SYCP1: variants seen among roughly 807,000 people sequenced by gnomAD.
SYCP1 encodes cancer/testis antigen 8.
SYCP1 carries 64 observed loss-of-function variants against 153.1 expected under a neutral mutation model. The observed-to-expected ratio is 0.42, with a 90% CI of 0.34 to 0.51. SYCP1 has a LOEUF of 0.51. SYCP1 is among the 20% of genes least tolerant of loss of function. The pLI, the probability that SYCP1 is intolerant of heterozygous loss-of-function variation, is 0.06. For synonymous variants in SYCP1, 384 were observed against 341.8 expected (o/e 1.12, Z -1.36); for missense variants, 997 against 1,049.0 (o/e 0.95, Z 0.68).
chr1:114,940,212 C>G (rs1670297936), intron 23 of SYCP1, among the ~76,000 whole-genome samples: 2 of 152,094 alleles, frequency 1.3e-5, no homozygotes, highest in Admixed American at 1.3e-4. Flanking sequence ...ACTCTCATGC[C>G]TCAGCTTCCT....
chr1:114,901,957 T>A (rs1365980348), intron 16 of SYCP1, among the ~76,000 whole-genome samples: 1 of 152,156 alleles, frequency 6.6e-6, no homozygotes, highest in African/African-American at 2.4e-5. Flanking sequence ...CTTATGCAAG[T>A]TGTTCCTCCA....
rs71582509 is a variant in SYCP1, at chr1:114,857,136, C to CAAAAAAAAAAAAA, written c.194-87_194-75dup. The CAAAAAAAAAAAAA allele has an allele frequency of 1.4e-3, 343 of 245,062 alleles. 6 individuals are homozygous for CAAAAAAAAAAAAA. The highest frequency in any genetic ancestry group is 3.4e-3 in the Middle Eastern group (2 of 590). 15.2% of individuals were successfully genotyped at this position (245,062 alleles called of 1,614,324 possible). ...ATAGTGCCAGATGTCCTCTCTCTCT[C>CAAAAAAAAAAAAA]AAAAAAAAAAAAAAAAAAAAAGAGA... On this transcript the variant is annotated intron_variant, in intron 3 of 31. Transcript: ENST00000369522.
At chr1:114,947,834 A>G (rs1440951538) in intron 27 of SYCP1, among the ~76,000 whole-genome samples, 4 of 149,984 alleles carry the variant, frequency 2.7e-5, no homozygotes, top group Non-Finnish European at 4.4e-5. Context: ...AAAAAAAAAA[A>G]AAAAAAAAGA....
At chr1:114,900,226 T>A (rs1335493391) in intron 16 of SYCP1, among the ~76,000 whole-genome samples, 1 of 152,228 alleles carries the variant, frequency 6.6e-6, no homozygotes, top group Non-Finnish European at 1.5e-5. Context: ...TTATTTTATC[T>A]AATTTGAAAC....
intron 8 of SYCP1, among the ~76,000 whole-genome samples, chr1:114,865,081 A>C: frequency 6.6e-6 from 1 of 152,148 alleles, no homozygotes; most frequent in East Asian, 1.9e-4. Context: ...CTAGTTCTTT[A>C]AAAATTTGTA....
intron 27 of SYCP1, among the ~76,000 whole-genome samples, chr1:114,976,431 C>T (rs148498269): frequency 5.3e-5 from 8 of 151,852 alleles, no homozygotes; most frequent in Non-Finnish European, 1.2e-4. Flanking sequence ...ACTAAAGATA[C>T]GCATTCTTGT....
intron 27 of SYCP1, among the ~76,000 whole-genome samples, chr1:114,969,689 G>A (rs2101908845): frequency 6.6e-6 from 1 of 152,244 alleles, no homozygotes; most frequent in South Asian, 2.1e-4. Flanking sequence ...TGCAACTGGG[G>A]TACAAAAACA....
At chr1:114,862,580 C>G (rs938101005) in intron 8 of SYCP1, among the ~76,000 whole-genome samples, 1 of 152,084 alleles carries the variant, frequency 6.6e-6, no homozygotes, top group Admixed American at 6.6e-5. Context: ...GATCTCTTGA[C>G]CACCTGCCTC....
chr1:114,949,982 C>G (rs1410734429), intron 27 of SYCP1, among the ~76,000 whole-genome samples: 1 of 152,122 alleles, frequency 6.6e-6, no homozygotes, highest in East Asian at 1.9e-4. Flanking sequence ...TATGCCTGTA[C>G]ATAGATAGAT....
chr1:114,991,463 A>G (rs775251690), intron 30 of SYCP1, among the ~76,000 whole-genome samples: 15 of 151,920 alleles, frequency 9.9e-5, no homozygotes, highest in Non-Finnish European at 2.1e-4. Flanking sequence ...GCCATGGCCA[A>G]GTGGAATTTA....
intron 27 of SYCP1, among the ~76,000 whole-genome samples, chr1:114,961,710 G>A (rs1365849288): frequency 6.6e-6 from 1 of 152,122 alleles, no homozygotes; most frequent in Admixed American, 6.6e-5. Flanking sequence ...GAGAGTACTT[G>A]ATATAATTTC....
intron 16 of SYCP1, among the ~76,000 whole-genome samples, chr1:114,901,322 G>T (rs534586288): frequency 4.0e-4 from 61 of 152,126 alleles, no homozygotes; most frequent in Non-Finnish European, 7.6e-4. Flanking sequence ...CTTATAAATA[G>T]AGCTATAACT....
At chr1:114,956,668 C>T (rs1311289895) in intron 27 of SYCP1, among the ~76,000 whole-genome samples, 6 of 152,156 alleles carry the variant, frequency 3.9e-5, no homozygotes, top group African/African-American at 1.4e-4. Flanking sequence ...TCCCATACAG[C>T]TCTAGTACCC....
intron 3 of SYCP1, 145 bp downstream of exon 3, chr1:114,856,802 T>C (rs146380940): frequency 2.7e-4 from 166 of 615,156 alleles, no homozygotes; most frequent in Middle Eastern, 4.9e-4. Flanking sequence ...AAAATAAGGC[T>C]GGACACGGTG....
At chr1:114,944,726 A>T in intron 24 of SYCP1, 146 bp from the exon 25 acceptor site, 1 of 672,930 alleles carries the variant, frequency 1.5e-6, no homozygotes. Context: ...CCCCGAAAAA[A>T]CCCCAAACAG....
In SYCP1 at chr1:114,994,699, G is replaced by A. The variant is rs1326400567; in HGVS notation, c.2705G>A (p.Ser902Asn). ...SDSSETTDLL[S>N]MVSEEETLKT... ...CATATTTTTTTATTTTTCTTCAAGAGCATGGTTTCAGAAGAAGAGACATTG... is the reference window on the plus strand; with the variant it reads ...CATATTTTTTTATTTTTCTTCAAGAACATGGTTTCAGAAGAAGAGACATTG... The change falls in exon 31 of 32, where the codon AGC (serine) becomes AAC (asparagine). Residue 902 changes from serine to asparagine, a missense_variant and splice_region_variant. By Grantham distance (46) the Ser-to-Asn change is conservative. Around this residue, in one of 2 missense-constraint regions of SYCP1, gnomAD observed 712 missense variants for 682.9 expected, o/e 1.04. Transcript: ENST00000369522. 1.9e-6 allele frequency: 3 copies of A among 1,550,380 alleles called. No homozygotes were observed. The highest frequency in any genetic ancestry group is 1.4e-5 in the African/African-American group (1 of 71,390).
chr1:114,900,546 G>T (rs750350257), intron 16 of SYCP1, among the ~76,000 whole-genome samples: 7 of 152,236 alleles, frequency 4.6e-5, no homozygotes, highest in South Asian at 2.1e-4. Context: ...CTCCCGAAGT[G>T]CTGGGATTAC....
intron 28 of SYCP1, among the ~76,000 whole-genome samples, chr1:114,978,482 A>T (rs1557847993): frequency 6.6e-6 from 1 of 151,632 alleles, no homozygotes. Context: ...TATGGAAGGA[A>T]ACATCAGTCA....
intron 23 of SYCP1, among the ~76,000 whole-genome samples, chr1:114,941,221 A>G (rs1481137605): frequency 6.6e-6 from 1 of 152,138 alleles, no homozygotes; most frequent in African/African-American, 2.4e-5. Flanking sequence ...TCCACATATA[A>G]ATGGATGCAG....
Sources: allele counts gnomAD v4.1 joint callset (sites outside exome capture counted in the v4.1 genomes callset), GRCh38; gene constraint gnomAD v4.1.1; regional missense constraint gnomAD v4.1.1; transcripts MANE v1.5; gene names NCBI Gene and HGNC (gene_info 2026-07-23, HGNC 2026-07-21).